The following SH3KBP1 variants were observed in gnomAD, a reference collection of about 807,000 sequenced individuals.
SH3KBP1 encodes the protein SH3 domain containing kinase binding protein 1.
In SH3KBP1, 8 loss-of-function variants were observed where a neutral mutation model predicts 50.1. That is an observed-to-expected ratio of 0.16 (90% CI 0.09 to 0.29). The LOEUF (loss-of-function observed/expected upper bound fraction) is 0.29. SH3KBP1 is among the 10% of genes least tolerant of loss of function. The pLI, the probability that SH3KBP1 is intolerant of heterozygous loss-of-function variation, is 1.00. For missense variants in SH3KBP1, 377 were observed against 535.2 expected (o/e 0.70, Z 2.92); for synonymous variants, 227 against 218.6 (o/e 1.04, Z -0.34).
At chrX:19,610,285 T>C (rs954975437) in intron 8 of SH3KBP1, among the ~76,000 whole-genome samples, 4 of 111,819 alleles carry the variant, frequency 3.6e-5, no homozygotes, top group African/African-American at 1.3e-4. Flanking sequence ...GCATCAGTCT[T>C]CAAAGAAGGG....
In SH3KBP1 at chrX:19,534,126, T is replaced by C. The variant is rs1473501257; in HGVS notation, c.*2291A>G. 1.8e-5 allele frequency: 2 copies of C among 110,320 alleles called. No homozygotes were observed. Among genetic ancestry groups the C allele is most frequent in the African/African-American group, 6.6e-5 (2 of 30,179 alleles). 9.1% of individuals were successfully genotyped at this position (110,320 alleles called of 1,213,427 possible). A position where few individuals can be genotyped will look rare whatever the true frequency, so the allele number is the denominator to read the frequency against. ...GAATGCAAAATAATTTTTTTTTTTT[T>C]CAAAAGTGATACTTCCAAGCTTTTC... On this transcript the variant is annotated 3_prime_UTR_variant, in exon 18 of 18. Coordinates refer to ENST00000397821, the MANE Select transcript of SH3KBP1 (RefSeq NM_031892.3).
intron 3 of SH3KBP1, among the ~76,000 whole-genome samples, chrX:19,738,569 C>G (rs1191777305): frequency 9.2e-6 from 1 of 109,204 alleles, no homozygotes; most frequent in Non-Finnish European, 1.9e-5. Flanking sequence ...GTGGAGCTTG[C>G]ACAGTTCCAG....
chrX:19,806,863 C>T (rs957602195), intron 2 of SH3KBP1, among the ~76,000 whole-genome samples: 1 of 111,908 alleles, frequency 8.9e-6, no homozygotes, highest in Non-Finnish European at 1.9e-5. Flanking sequence ...GTTTGGTTTT[C>T]GGTTTTCTTT....
chrX:19,869,066 T>A (rs2068974584), intron 1 of SH3KBP1, among the ~76,000 whole-genome samples: 1 of 110,733 alleles, frequency 9.0e-6, no homozygotes, highest in African/African-American at 3.3e-5. Context: ...GTCAGGGTGA[T>A]GTGAGGAAGA....
At chrX:19,621,073 CTTTTTTTTTT>C (rs1186690221) in intron 8 of SH3KBP1, among the ~76,000 whole-genome samples, 1 of 32,676 alleles carries the variant, frequency 3.1e-5, no homozygotes, top group African/African-American at 1.1e-4. Context: ...TCTTTTCTTT[CTTTTTTTTTT>C]TTTTTTTTTG....
chrX:19,738,694 C>CAAAAAAA (rs1193680181), intron 3 of SH3KBP1, among the ~76,000 whole-genome samples: 4 of 37,163 alleles, frequency 1.1e-4, no homozygotes, highest in Non-Finnish European at 1.1e-4. Flanking sequence ...GTCAGCAATG[C>CAAAAAAA]AAAAAAAAAA....
intron 2 of SH3KBP1, among the ~76,000 whole-genome samples, chrX:19,816,633 T>C (rs2067364834): frequency 9.1e-6 from 1 of 110,187 alleles, no homozygotes; most frequent in East Asian, 2.8e-4. Flanking sequence ...ATAGGGAGAC[T>C]CCATCTCTAC....
chrX:19,597,052 A>G (rs896280760), intron 9 of SH3KBP1, among the ~76,000 whole-genome samples: 4 of 110,742 alleles, frequency 3.6e-5, no homozygotes, highest in East Asian at 3.0e-4. Flanking sequence ...AATTATTTCA[A>G]TTGACTTTCC....
chrX:19,668,955 TA>T (rs1365155845), intron 6 of SH3KBP1, among the ~76,000 whole-genome samples: 1,074 of 78,562 alleles, frequency 0.014, 32 homozygotes, highest in African/African-American at 0.041. Context: ...TATATATATA[TA>T]TATATATATA....
At position 19,571,830 on chromosome X, in the gene SH3KBP1, CTT is replaced by C. The variant is rs199692054; in HGVS notation, c.1299-2644_1299-2643del. On this transcript the variant is annotated intron_variant, in intron 12 of 17. Coordinates refer to ENST00000397821, the MANE Select transcript of SH3KBP1 (RefSeq NM_031892.3). The stretch of plus-strand genomic sequence containing the variant: ...AGTGAGTTTAGTGAACTCTACTTGG[CTT>C]TTTTTTTTTTTTCCAGTCAAGAGGG... 1.3e-4 allele frequency among the ~76,000 whole-genome samples: 13 copies of C among 99,984 alleles called. No individual in the cohort carries two copies. In the East Asian group the frequency reaches 2.5e-3, roughly 19 times the overall value. The allele number at this position is 99,984 out of a possible 115,157, so 86.8% of individuals were successfully genotyped here.
At chrX:19,677,877 C>T (rs2062964718) in intron 6 of SH3KBP1, among the ~76,000 whole-genome samples, 1 of 112,284 alleles carries the variant, frequency 8.9e-6, no homozygotes, top group Non-Finnish European at 1.9e-5. Context: ...CCGTTCTCTT[C>T]CCCTTTATGT....
At chrX:19,543,813 G>T (rs1025396757) in intron 15 of SH3KBP1, among the ~76,000 whole-genome samples, 1 of 111,404 alleles carries the variant, frequency 9.0e-6, no homozygotes, top group Non-Finnish European at 1.9e-5. Flanking sequence ...CAGGAGGGCC[G>T]AGGAAGAAGG....
At position 19,677,215 on chromosome X, in the gene SH3KBP1, G is replaced by A. The variant is rs755829031; in HGVS notation, c.726+6608C>T. ...GAGTATCTGTAACTTACCTATCCAT[G>A]TGTAATACCTGACACTCCTTTCCCT... On this transcript the variant is annotated intron_variant, in intron 6 of 17. Transcript: ENST00000397821. 6.2e-4 allele frequency among the ~76,000 whole-genome samples: 69 copies of A among 111,635 alleles called. 1 individual carries two copies. Among genetic ancestry groups the A allele is most frequent in the African/African-American group, 2.1e-3 (65 of 30,738 alleles).
chrX:19,542,888 G>A (rs5909311), intron 15 of SH3KBP1, among the ~76,000 whole-genome samples: 9 of 111,825 alleles, frequency 8.0e-5, no homozygotes, highest in East Asian at 2.8e-4. Context: ...AAGTACAAGC[G>A]GCTAGGCGAA....
At chrX:19,861,159 G>A (rs1329004297) in intron 1 of SH3KBP1, among the ~76,000 whole-genome samples, 3 of 110,742 alleles carry the variant, frequency 2.7e-5, no homozygotes, top group Non-Finnish European at 5.7e-5. Flanking sequence ...GGTAGATCAC[G>A]AGGTCAGGAG....
chrX:19,533,983 C>T lies in SH3KBP1; in HGVS notation c.*2434G>A, dbSNP rs1164700470. ...ACAACTTTGAACAAAACTATTCTCA[C>T]AAAATTTCATTTTAATCATCTTCTT... On this transcript the variant is annotated 3_prime_UTR_variant, in exon 18 of 18. Coordinates refer to ENST00000397821, the MANE Select transcript of SH3KBP1 (RefSeq NM_031892.3). The T allele has an allele frequency of 9.1e-6, 1 of 110,175 alleles. No individual in the cohort carries two copies. Among genetic ancestry groups the T allele is most frequent in the Non-Finnish European group, 1.9e-5 (1 of 52,841 alleles). The allele number at this position is 110,175 out of a possible 1,213,427, so 9.1% of individuals were successfully genotyped here.
intron 6 of SH3KBP1, among the ~76,000 whole-genome samples, chrX:19,680,244 G>A (rs764016288): frequency 9.1e-6 from 1 of 109,940 alleles, no homozygotes; most frequent in Non-Finnish European, 1.9e-5. Flanking sequence ...GCTGGGTGTG[G>A]TGGTGTGCAC....
At chrX:19,554,393 A>T (rs1361688761) in intron 13 of SH3KBP1, among the ~76,000 whole-genome samples, 1 of 98,087 alleles carries the variant, frequency 1.0e-5, no homozygotes, top group African/African-American at 3.7e-5. Flanking sequence ...ATCATATTAA[A>T]ATATGATATA....
chrX:19,585,551 G>A (rs960412166), intron 12 of SH3KBP1, among the ~76,000 whole-genome samples: 1 of 111,466 alleles, frequency 9.0e-6, no homozygotes, highest in Non-Finnish European at 1.9e-5. Context: ...TTCCAGAGGA[G>A]GGCATGCTAA....
Sources: allele counts gnomAD v4.1 joint callset (sites outside exome capture counted in the v4.1 genomes callset), GRCh38; gene constraint gnomAD v4.1.1; transcripts MANE v1.5; gene names NCBI Gene and HGNC (gene_info 2026-07-23, HGNC 2026-07-21).